The following KALRN variants were observed in gnomAD, a reference collection of about 807,000 sequenced individuals.
KALRN encodes kalirin.
A neutral mutation model predicts 353.7 loss-of-function variants in KALRN; 70 were observed. That is an observed-to-expected ratio of 0.20 (90% CI 0.16 to 0.24). The LOEUF is 0.24. KALRN is among the 10% of genes least tolerant of loss of function. The pLI, the probability that KALRN is intolerant of heterozygous loss-of-function variation, is 1.00. For synonymous variants in KALRN, 1,391 were observed against 1,434.8 expected, an observed-to-expected ratio of 0.97 and a Z score of 0.69; for missense variants, 2,791 against 3,756.7, an observed-to-expected ratio of 0.74 and a Z score of 6.72.
rs59892443 is a variant in KALRN, at chr3:124,253,785, T to C, written c.264-10713T>C. Reference sequence around the variant, plus strand: ...TCCTCACACTAGGATTCTGACATCTTCACACTGCTGATACCCTGAAACACA... The same window carrying C: ...TCCTCACACTAGGATTCTGACATCTCCACACTGCTGATACCCTGAAACACA... On this transcript the variant is annotated intron_variant, in intron 3 of 59. Transcript: ENST00000682506. Among the ~76,000 whole-genome samples the C allele has an allele frequency of 9.1e-4, 138 of 152,274 alleles. 1 individual carries two copies. The highest frequency in any genetic ancestry group is 3.2e-3 in the African/African-American group (135 of 41,546).
intron 6 of KALRN, 92 bp downstream of exon 6, chr3:124,299,005 G>A: frequency 6.6e-7 from 1 of 1,507,196 alleles, no homozygotes; most frequent in Non-Finnish European, 9.2e-7. Flanking sequence ...TCCACCCGAG[G>A]AAGAACTGTG....
chr3:124,719,503 G>T lies in KALRN; in HGVS notation c.*33G>T. On this transcript the variant is annotated 3_prime_UTR_variant, in exon 60 of 60. Transcript: ENST00000682506. This position sits in a 1 kb window ranked among gnomAD's most constrained non-coding sequence, Gnocchi z 5.3. ...CCAGCCCCTATGGTTTCACATAGACGTGCAGTGTGAACCAAAGCAAGACTG... is the reference window on the plus strand; with the variant it reads ...CCAGCCCCTATGGTTTCACATAGACTTGCAGTGTGAACCAAAGCAAGACTG... 6.3e-7 allele frequency: 1 copy of T among 1,578,518 alleles called. No individual in the cohort carries two copies. Among genetic ancestry groups the T allele is most frequent in the Non-Finnish European group, 8.6e-7 (1 of 1,156,240 alleles).
chr3:124,184,157 T>C (rs955411063), intron 1 of KALRN, among the ~76,000 whole-genome samples: 1 of 152,210 alleles, frequency 6.6e-6, no homozygotes. Context: ...GTGAGCACTT[T>C]GGCTCTAGAG....
At chr3:124,063,408 CTCCTCGGTGGAGGGGTGGGTAT>C (rs920358059) in intron 1 of KALRN, among the ~76,000 whole-genome samples, 1 of 152,140 alleles carries the variant, frequency 6.6e-6, no homozygotes, top group African/African-American at 2.4e-5. Flanking sequence ...GAGGCGTGGT[CTCCTCGGTGGAGGGGTGGGTAT>C]TCACCCTTGG....
rs149987135 is a variant in KALRN, at chr3:124,434,990, C to G, written c.3048+465C>G. On this transcript the variant is annotated intron_variant, in intron 17 of 59. Coordinates refer to ENST00000682506, the MANE Select transcript of KALRN (RefSeq NM_001388419.1). ...CTAGATCTGTTCCCATGTCTCTTGTCCTCCTTGACCTGAAGCCATCTCAGG... is the reference window on the plus strand; with the variant it reads ...CTAGATCTGTTCCCATGTCTCTTGTGCTCCTTGACCTGAAGCCATCTCAGG... 2.8e-4 allele frequency among the ~76,000 whole-genome samples: 43 copies of G among 152,320 alleles called. No homozygotes were observed. In the East Asian group the frequency reaches 8.3e-3, roughly 29 times the overall value.
intron 43 of KALRN, among the ~76,000 whole-genome samples, chr3:124,660,077 G>A (rs957236436): frequency 1.3e-5 from 2 of 151,846 alleles, no homozygotes; most frequent in Non-Finnish European, 2.9e-5. Context: ...GACAACAGAT[G>A]CATGTCATCA....
At chr3:124,464,979 T>C (rs1377744806) in intron 25 of KALRN, among the ~76,000 whole-genome samples, 3 of 152,118 alleles carry the variant, frequency 2.0e-5, no homozygotes, top group African/African-American at 4.8e-5. Context: ...TACTTAATAT[T>C]AGCAGTAACC....
chr3:124,398,391 T>A (rs1236443127), intron 12 of KALRN, among the ~76,000 whole-genome samples: 1 of 152,258 alleles, frequency 6.6e-6, no homozygotes, highest in Non-Finnish European at 1.5e-5. Context: ...TAATATTTTA[T>A]GCCTTGTAGA....
At chr3:124,693,435 A>G (rs1273575204) in intron 51 of KALRN, among the ~76,000 whole-genome samples, 2 of 152,146 alleles carry the variant, frequency 1.3e-5, no homozygotes, top group Non-Finnish European at 2.9e-5. Flanking sequence ...GTGCCACCAC[A>G]CTGCTTGTGT....
chr3:124,715,279 G>T (rs974848275), intron 58 of KALRN, among the ~76,000 whole-genome samples: 1 of 152,106 alleles, frequency 6.6e-6, no homozygotes, highest in African/African-American at 2.4e-5. Flanking sequence ...TGCTTATTTG[G>T]CAAATACTTA....
At chr3:124,522,317 A>G (rs1429072898) in intron 33 of KALRN, among the ~76,000 whole-genome samples, 1 of 152,000 alleles carries the variant, frequency 6.6e-6, no homozygotes, top group Non-Finnish European at 1.5e-5. Flanking sequence ...ACATATATAT[A>G]CTATACATAT....
In KALRN at chr3:124,491,518, C is replaced by A. The variant is rs141970786; in HGVS notation, c.4689+94C>A. The A allele has an allele frequency of 2.0e-4, 165 of 836,324 alleles. 1 individual carries two copies. The African/African-American group carries it at 2.6e-3, about 13-fold the overall frequency. The allele number at this position is 836,324 out of a possible 1,614,324, so 51.8% of individuals were successfully genotyped here. ...ACCTCAAAGCTAAGGCCCAGAGACT[C>A]TACTGAGCCATGGGCCTCTTTTGGG... On this transcript the variant is annotated intron_variant, in intron 31 of 59. Transcript: ENST00000682506.
chr3:124,118,701 A>G (rs909085532), intron 1 of KALRN, among the ~76,000 whole-genome samples: 7 of 152,202 alleles, frequency 4.6e-5, no homozygotes, highest in Admixed American at 2.6e-4. Flanking sequence ...AACATATTTA[A>G]TTTCTCATAT....
intron 1 of KALRN, among the ~76,000 whole-genome samples, chr3:124,085,733 C>G (rs2060781405): frequency 6.6e-6 from 1 of 152,120 alleles, no homozygotes; most frequent in African/African-American, 2.4e-5. Flanking sequence ...TTGAAAATTA[C>G]CAGAGTAACA....
At chr3:124,637,392 C>A in intron 37 of KALRN, 89 bp downstream of exon 37, 1 of 948,550 alleles carries the variant, frequency 1.1e-6, no homozygotes, top group South Asian at 1.3e-5. Flanking sequence ...CTCCTTTGCA[C>A]CTGTCCTCAT....
intron 59 of KALRN, among the ~76,000 whole-genome samples, chr3:124,718,134 T>A (rs2150836710): frequency 6.6e-6 from 1 of 150,414 alleles, no homozygotes; most frequent in African/African-American, 2.4e-5. Context: ...TTTTTTTTTT[T>A]TTTTTGAGAT....
intron 1 of KALRN, chr3:124,094,773 A>C: frequency 1.4e-6 from 2 of 1,393,730 alleles, no homozygotes; most frequent in Non-Finnish European, 2.0e-6. Flanking sequence ...GGCCTCCTCG[A>C]GTCAGCGGTG....
At chr3:124,567,721 A>T (rs1182621460) in intron 34 of KALRN, among the ~76,000 whole-genome samples, 1 of 152,174 alleles carries the variant, frequency 6.6e-6, no homozygotes, top group Non-Finnish European at 1.5e-5. Context: ...GTTTCTAAAA[A>T]TACTGATGCC....
chr3:124,377,426 G>T (rs2086739322), intron 10 of KALRN, among the ~76,000 whole-genome samples: 1 of 151,952 alleles, frequency 6.6e-6, no homozygotes, highest in African/African-American at 2.4e-5. Context: ...TGTATGACTT[G>T]CATCTCTTTA....
Sources: allele counts gnomAD v4.1 joint callset (sites outside exome capture counted in the v4.1 genomes callset), GRCh38; gene constraint gnomAD v4.1.1; non-coding constraint Gnocchi (gnomAD v3.1); transcripts MANE v1.5; gene names NCBI Gene and HGNC (gene_info 2026-07-23, HGNC 2026-07-21).